Variants in AP3S2 observed in about 807,000 individuals in gnomAD.
AP3S2 encodes AP-3 complex subunit sigma-2.
A neutral mutation model predicts 23.4 loss-of-function variants in AP3S2; 22 were observed. That is an observed-to-expected ratio of 0.94 (90% CI 0.67 to 1.34). AP3S2 has a LOEUF of 1.34. Among genes scored for constraint, AP3S2 ranks in the 40% most tolerant of loss-of-function variants. AP3S2 has a pLI of 0.00. For synonymous variants in AP3S2, 86 were observed against 87.1 expected, an observed-to-expected ratio of 0.99 and a Z score of 0.07; for missense variants, 241 against 236.9, an observed-to-expected ratio of 1.02 and a Z score of -0.11.
At chr15:89,885,881 C>G (rs1334757745) in intron 3 of AP3S2, among the ~76,000 whole-genome samples, 1 of 141,846 alleles carries the variant, frequency 7.0e-6, no homozygotes, top group African/African-American at 2.6e-5. Flanking sequence ...ATGGAGGCTG[C>G]AGTGAGCTGT....
chr15:89,866,261 CAAAAAAAAAA>C (rs368571089), intron 4 of AP3S2, among the ~76,000 whole-genome samples: 3 of 87,726 alleles, frequency 3.4e-5, no homozygotes, highest in Admixed American at 1.4e-4. Flanking sequence ...GACTCCGTCT[CAAAAAAAAAA>C]AAAAAAAAAA....
chr15:89,838,597 T>C (rs577720423), intron 4 of AP3S2, among the ~76,000 whole-genome samples: 2 of 152,310 alleles, frequency 1.3e-5, no homozygotes, highest in African/African-American at 4.8e-5. Context: ...ACTCCATATT[T>C]CAAACCAAAT....
intron 3 of AP3S2, chr15:89,877,464 G>T: frequency 8.7e-7 from 1 of 1,148,042 alleles, no homozygotes; most frequent in Non-Finnish European, 1.2e-6. Context: ...TACCATCATA[G>T]CCATTTTTTA....
At chr15:89,846,558 G>A (rs924026861) in intron 4 of AP3S2, among the ~76,000 whole-genome samples, 1 of 149,882 alleles carries the variant, frequency 6.7e-6, no homozygotes, top group African/African-American at 2.5e-5. Flanking sequence ...ACGGAGTCTC[G>A]CTCTGTGGCC....
chr15:89,867,514 T>C (rs1896164220), intron 4 of AP3S2, among the ~76,000 whole-genome samples: 1 of 138,990 alleles, frequency 7.2e-6, no homozygotes, highest in Admixed American at 7.1e-5. Flanking sequence ...GGCTGCCCAG[T>C]CTGGAAAGTG....
At chr15:89,856,887 AG>A (rs1895853361) in intron 4 of AP3S2, among the ~76,000 whole-genome samples, 1 of 150,546 alleles carries the variant, frequency 6.6e-6, no homozygotes, top group African/African-American at 2.5e-5. Context: ...AAAAAAAAAA[AG>A]AAAAGAAAAG....
rs958700316 is a variant in AP3S2 at position 89,893,866 on chromosome 15, C to T, written c.69+15G>A. 18 of 1,551,494 alleles carry T rather than the reference C, an allele frequency of 1.2e-5. No homozygotes were observed. In the Admixed American group the frequency reaches 2.7e-4, roughly 24 times the overall value. ...GGCGCCCTGAAGGGGCGTGGTGAAGCCGGGCCGCACTCACGAAACGCTGGT... is the reference window on the plus strand; with the variant it reads ...GGCGCCCTGAAGGGGCGTGGTGAAGTCGGGCCGCACTCACGAAACGCTGGT... On this transcript the variant is annotated intron_variant, in intron 1 of 5. Transcript: ENST00000336418.
chr15:89,854,593 A>G (rs1206574081), intron 4 of AP3S2, among the ~76,000 whole-genome samples: 39 of 47,086 alleles, frequency 8.3e-4, no homozygotes, highest in South Asian at 1.0e-3. Flanking sequence ...ACCCCCGCCC[A>G]GCCAGCCGCC....
Position 89,835,400 on chromosome 15 carries a change from C to G in AP3S2, c.*115G>C. ...ACAGTCTTCCCCAGACACAAAGTTT[C>G]CAGGTCCTGAGGCTTGACTCTTCTA... On this transcript the variant is annotated 3_prime_UTR_variant, in exon 6 of 6. Transcript: ENST00000336418. 2.0e-6 allele frequency: 3 copies of G among 1,518,376 alleles called. No individual in the cohort carries two copies. The highest frequency in any genetic ancestry group is 2.7e-6 in the Non-Finnish European group (3 of 1,130,494). The allele number at this position is 1,518,376 out of a possible 1,614,324, so 94.1% of individuals were successfully genotyped here.
intron 4 of AP3S2, chr15:89,848,487 A>AGTAGCTG (rs1340071064): frequency 6.6e-6 from 1 of 152,348 alleles, no homozygotes; most frequent in Non-Finnish European, 1.5e-5. Flanking sequence ...CAACCTCCGG[A>AGTAGCTG]GTAGCTGGGA....
chr15:89,852,594 G>A (rs1439199539), intron 4 of AP3S2: 4 of 152,176 alleles, frequency 2.6e-5, no homozygotes, highest in African/African-American at 9.7e-5. Flanking sequence ...CACAGAGTAA[G>A]TCCCTGCCCT....
At chr15:89,891,754 G>A (rs1567190606) in intron 1 of AP3S2, among the ~76,000 whole-genome samples, 1 of 152,142 alleles carries the variant, frequency 6.6e-6, no homozygotes, top group East Asian at 1.9e-4. Flanking sequence ...GGGATGTGAA[G>A]AAACTGGAAT....
chr15:89,872,435 T>G (rs924895533), intron 3 of AP3S2, among the ~76,000 whole-genome samples: 1 of 152,192 alleles, frequency 6.6e-6, no homozygotes, highest in Non-Finnish European at 1.5e-5. Flanking sequence ...TAATAAAACA[T>G]AACAGAAAAG....
chr15:89,858,493 A>AAG (rs143172663), intron 4 of AP3S2, among the ~76,000 whole-genome samples: 2,236 of 59,778 alleles, frequency 0.037, 46 homozygotes, highest in South Asian at 0.054. Flanking sequence ...GAAAGAAAGA[A>AAG]AGAGAGAGAG....
chr15:89,856,923 TG>T (rs1895854482), intron 4 of AP3S2, among the ~76,000 whole-genome samples: 1 of 151,240 alleles, frequency 6.6e-6, no homozygotes, highest in African/African-American at 2.4e-5. Flanking sequence ...CCCACAAAAT[TG>T]GGACACATAT....
intron 4 of AP3S2, chr15:89,852,400 A>G (rs1018290511): frequency 6.6e-6 from 1 of 152,242 alleles, no homozygotes; most frequent in Non-Finnish European, 1.5e-5. Context: ...GGCTCCTGCA[A>G]CAGTATAGAT....
chr15:89,863,797 G>A (rs1240072653), intron 4 of AP3S2, among the ~76,000 whole-genome samples: 1 of 152,174 alleles, frequency 6.6e-6, no homozygotes, highest in Non-Finnish European at 1.5e-5. Context: ...AAGGTGAAGA[G>A]ATTCTTTAGT....
At chr15:89,869,568 A>T (rs1314333150) in intron 4 of AP3S2, among the ~76,000 whole-genome samples, 1,291 of 13,478 alleles carry the variant, frequency 0.096, 25 homozygotes, top group African/African-American at 0.22. Context: ...AATTATCAAT[A>T]AAAAAAAAAA....
chr15:89,874,913 TTGG>T lies in AP3S2; in HGVS notation c.274-3370_274-3368del, dbSNP rs138657101. ...TTAAAAATAAGAGTCGTATTTTAAG[TTGG>T]TGGGGAAAAGACAAGCTAACTGATA... On this transcript the variant is annotated intron_variant, in intron 3 of 5. Coordinates refer to ENST00000336418, the MANE Select transcript of AP3S2 (RefSeq NM_005829.5). Among the ~76,000 whole-genome samples, 468 of 152,258 alleles carry T rather than the reference TTGG, an allele frequency of 3.1e-3. 17 individuals are homozygous for T. In the East Asian group the frequency reaches 0.077, roughly 25 times the overall value.
Sources: allele counts gnomAD v4.1 joint callset (sites outside exome capture counted in the v4.1 genomes callset), GRCh38; gene constraint gnomAD v4.1.1; transcripts MANE v1.5; gene names NCBI Gene and HGNC (gene_info 2026-07-23, HGNC 2026-07-21).